MTREX: variants seen among roughly 807,000 people sequenced by gnomAD.
The protein encoded by MTREX is exosome RNA helicase MTR4.
Under a neutral mutation model 135.4 loss-of-function variants are expected in MTREX, and 76 were observed. The observed-to-expected ratio is 0.56, with a 90% CI of 0.47 to 0.68. The LOEUF (loss-of-function observed/expected upper bound fraction) is 0.68. Ranked by LOEUF, MTREX falls within the 30% of genes least tolerant of loss-of-function variation. The pLI is 0.00. For synonymous variants in MTREX, 404 were observed against 401.6 expected, an observed-to-expected ratio of 1.01 and a Z score of -0.07; for missense variants, 920 against 1,262.1, an observed-to-expected ratio of 0.73 and a Z score of 4.11.
At chr5:55,401,368 A>T (rs1750721394) in intron 21 of MTREX, among the ~76,000 whole-genome samples, 1 of 152,132 alleles carries the variant, frequency 6.6e-6, no homozygotes, top group Admixed American at 6.5e-5. Flanking sequence ...TGGATATGCC[A>T]TATTTTGTTT....
At chr5:55,325,764 C>G (rs1749368003) in intron 3 of MTREX, among the ~76,000 whole-genome samples, 1 of 152,040 alleles carries the variant, frequency 6.6e-6, no homozygotes, top group Non-Finnish European at 1.5e-5. Flanking sequence ...GTTTTTCAAC[C>G]CTTTCCCACT....
At chr5:55,354,177 C>T (rs1400006602) in intron 14 of MTREX, among the ~76,000 whole-genome samples, 1 of 152,180 alleles carries the variant, frequency 6.6e-6, no homozygotes, top group African/African-American at 2.4e-5. Context: ...ACAATCCAGA[C>T]TCGTTTCTCT....
chr5:55,401,203 T>G (rs1394245965), intron 21 of MTREX, among the ~76,000 whole-genome samples: 1 of 152,054 alleles, frequency 6.6e-6, no homozygotes, highest in Non-Finnish European at 1.5e-5. Flanking sequence ...CCCAGCTAAT[T>G]TTTGTATTTT....
At chr5:55,335,196 A>G (rs537793371) in intron 5 of MTREX, among the ~76,000 whole-genome samples, 1 of 152,218 alleles carries the variant, frequency 6.6e-6, no homozygotes, top group South Asian at 2.1e-4. Flanking sequence ...GCGTTGTAAG[A>G]AGTCTTTATT....
At chr5:55,364,632 G>A (rs937771928) in intron 15 of MTREX, among the ~76,000 whole-genome samples, 3 of 152,160 alleles carry the variant, frequency 2.0e-5, no homozygotes, top group African/African-American at 7.2e-5. Context: ...GAACAGTTAC[G>A]ATGGTAGTTA....
rs1751127793 is a variant in MTREX, at chr5:55,424,926, C to A, written c.*154C>A. The stretch of plus-strand genomic sequence containing the variant: ...TCATTCATAGAAAGCATATTACATA[C>A]ATGTTTATACATAAGCATTACATTT... On this transcript the variant is annotated 3_prime_UTR_variant, in exon 27 of 27. Coordinates refer to ENST00000230640, the MANE Select transcript of MTREX (RefSeq NM_015360.5). 1.6e-6 allele frequency: 1 copy of A among 631,118 alleles called. No homozygotes were observed. The highest frequency in any genetic ancestry group is 3.0e-5 in the Admixed American group (1 of 33,554). The allele number at this position is 631,118 out of a possible 1,614,324, so 39.1% of individuals were successfully genotyped here.
At chr5:55,404,181 TC>T (rs1750765686) in intron 21 of MTREX, among the ~76,000 whole-genome samples, 1 of 152,202 alleles carries the variant, frequency 6.6e-6, no homozygotes, top group Non-Finnish European at 1.5e-5. Context: ...TCTAAAAAAT[TC>T]CATTATCTTC....
intron 1 of MTREX, among the ~76,000 whole-genome samples, chr5:55,314,337 A>C (rs1749164730): frequency 1.3e-5 from 2 of 152,196 alleles, no homozygotes; most frequent in Admixed American, 1.3e-4. Flanking sequence ...TACTTGGCAA[A>C]GGAGAAAGTT....
chr5:55,313,068 T>C (rs1372409091), intron 1 of MTREX, among the ~76,000 whole-genome samples: 1 of 152,198 alleles, frequency 6.6e-6, no homozygotes, highest in East Asian at 1.9e-4. Flanking sequence ...ACATTTCCAG[T>C]ACAATTAACA....
At chr5:55,370,111 CG>C (rs1430060909) in intron 16 of MTREX, among the ~76,000 whole-genome samples, 2 of 151,862 alleles carry the variant, frequency 1.3e-5, no homozygotes, top group Non-Finnish European at 2.9e-5. Flanking sequence ...TTAGTAGAGA[CG>C]GGGTTTCTCC....
Position 55,378,323 on chromosome 5 carries a change from A to G in MTREX, c.1820A>G (p.Asn607Ser). 1 of 1,592,724 alleles carries G rather than the reference A, an allele frequency of 6.3e-7. No homozygotes were observed. Among genetic ancestry groups the G allele is most frequent in the Non-Finnish European group, 8.5e-7 (1 of 1,173,806 alleles). ...AIPGVVEKVKNSEEQYNKIVI... is the reference protein window; with the variant it reads ...AIPGVVEKVKSSEEQYNKIVI... ...TGTGTTCTATTTACAGAGGTAAAGA[A>G]TTCAGAAGAACAGTATAATAAAATA... Residue 607 changes from asparagine to serine, a missense_variant, in exon 17 of 27, where the codon AAT becomes AGT. Physicochemically the swap from Asn to Ser is conservative, Grantham distance 46. Coordinates refer to ENST00000230640, the MANE Select transcript of MTREX (RefSeq NM_015360.5).
In MTREX at chr5:55,310,330, G is replaced by T. The variant is rs186812970; in HGVS notation, c.134+2183G>T. 5.3e-5 allele frequency among the ~76,000 whole-genome samples: 8 copies of T among 152,308 alleles called. No homozygotes were observed. In the East Asian group the frequency reaches 1.5e-3, roughly 29 times the overall value. ...AGATATTTTTAAGAAAAAAATCCTG[G>T]CCGGGCGTGGTGGCTCACGCCTCTA... On this transcript the variant is annotated intron_variant, in intron 1 of 26. Transcript: ENST00000230640.
chr5:55,327,007 T>A (rs1749394618), intron 3 of MTREX, among the ~76,000 whole-genome samples: 1 of 152,230 alleles, frequency 6.6e-6, no homozygotes, highest in Non-Finnish European at 1.5e-5. Flanking sequence ...TTCATCCATA[T>A]CCCTGCAAAG....
chr5:55,384,563 T>C (rs774052318), intron 18 of MTREX, among the ~76,000 whole-genome samples: 24 of 152,238 alleles, frequency 1.6e-4, no homozygotes, highest in African/African-American at 2.4e-5. Flanking sequence ...GTCATAACTT[T>C]CCTGTTTCTT....
Position 55,397,447 on chromosome 5 carries a change from C to T in MTREX, c.2213C>T (p.Ala738Val), listed in dbSNP as rs752705514. The part of the protein sequence containing the change: ...VVPVLVHLLS[A>V]ISSVRLYIPK... Reference sequence around the variant, plus strand: ...CCAGTTTTGGTGCATCTCCTGTCTGCTATCAGCAGTGTTAGGCTTTACATT... The same window carrying T: ...CCAGTTTTGGTGCATCTCCTGTCTGTTATCAGCAGTGTTAGGCTTTACATT... The change falls in exon 20 of 27, where the codon GCT becomes GTT. Residue 738 changes from alanine (A) to valine (V), a missense_variant. By Grantham distance (64) the Ala-to-Val change is moderately conservative. Around this residue, in one of 6 missense-constraint regions of MTREX, gnomAD observed 467 missense variants for 589.7 expected, o/e 0.79. Transcript: ENST00000230640. 12 of 1,609,812 alleles carry T rather than the reference C, an allele frequency of 7.5e-6. No individual in the cohort carries two copies. Among genetic ancestry groups the T allele is most frequent in the Non-Finnish European group, 1.0e-5 (12 of 1,177,110 alleles).
At chr5:55,364,188 A>G (rs769133878) in intron 15 of MTREX, among the ~76,000 whole-genome samples, 3 of 152,204 alleles carry the variant, frequency 2.0e-5, no homozygotes, top group Admixed American at 6.5e-5. Context: ...GAGAATTAAC[A>G]TGTATTTGGA....
At chr5:55,419,787 T>C (rs1390394088) in intron 25 of MTREX, among the ~76,000 whole-genome samples, 1 of 152,030 alleles carries the variant, frequency 6.6e-6, no homozygotes, top group African/African-American at 2.4e-5. Context: ...ATGCTTTTTA[T>C]TTTTTTTCAG....
chr5:55,353,112 A>G, intron 13 of MTREX, 56 bp from the exon 14 acceptor site: 1 of 1,239,308 alleles, frequency 8.1e-7, no homozygotes, highest in Non-Finnish European at 1.1e-6. Flanking sequence ...AAAATTATAA[A>G]ACCAGATTTT....
At chr5:55,404,139 T>TAGAAGG (rs1455834354) in intron 21 of MTREX, among the ~76,000 whole-genome samples, 2 of 152,206 alleles carry the variant, frequency 1.3e-5, no homozygotes, top group Non-Finnish European at 2.9e-5. Flanking sequence ...ACCTTCATAA[T>TAGAAGG]TTTTCCTCCT....
Sources: allele counts gnomAD v4.1 joint callset (sites outside exome capture counted in the v4.1 genomes callset), GRCh38; gene constraint gnomAD v4.1.1; regional missense constraint gnomAD v4.1.1; transcripts MANE v1.5; gene names NCBI Gene and HGNC (gene_info 2026-07-23, HGNC 2026-07-21).